Variants in EXOC6B observed in about 807,000 individuals in gnomAD.
The protein encoded by EXOC6B is SEC15 homolog B.
A neutral mutation model predicts 113.5 loss-of-function variants in EXOC6B; 54 were observed. The observed-to-expected ratio is 0.48, with a 90% CI of 0.38 to 0.60. The LOEUF (loss-of-function observed/expected upper bound fraction) is 0.60. EXOC6B is among the 20% of genes least tolerant of loss of function. The probability of loss-of-function intolerance (pLI) is 0.00; values close to 1 mark genes in which losing one functional copy is unlikely to be tolerated. For missense variants in EXOC6B, 797 were observed against 977.5 expected (o/e 0.82, Z 2.46); for synonymous variants, 357 against 339.0 (o/e 1.05, Z -0.58).
chr2:72,406,907 A>T (rs527563696), intron 18 of EXOC6B, among the ~76,000 whole-genome samples: 1 of 152,350 alleles, frequency 6.6e-6, no homozygotes, highest in East Asian at 1.9e-4. Flanking sequence ...AAAATCAATG[A>T]ATCCAGGAGC....
chr2:72,774,839 A>C (rs562572620), intron 1 of EXOC6B, among the ~76,000 whole-genome samples: 23 of 152,294 alleles, frequency 1.5e-4, no homozygotes, highest in African/African-American at 5.5e-4. Flanking sequence ...TCACAAACTA[A>C]GTGCCCAGAT....
intron 17 of EXOC6B, among the ~76,000 whole-genome samples, chr2:72,477,872 TA>T (rs1051785496): frequency 3.4e-4 from 51 of 152,188 alleles, no homozygotes; most frequent in African/African-American, 1.1e-3. Context: ...TTTGGTCATT[TA>T]TTTTTTTTTC....
At chr2:72,221,122 C>T (rs1189540451) in intron 20 of EXOC6B, among the ~76,000 whole-genome samples, 2 of 152,164 alleles carry the variant, frequency 1.3e-5, no homozygotes, top group Non-Finnish European at 2.9e-5. Context: ...TTCTCTTCAT[C>T]CTTCTCCCAC....
intron 6 of EXOC6B, among the ~76,000 whole-genome samples, chr2:72,597,856 A>C (rs536808474): frequency 6.6e-6 from 1 of 152,128 alleles, no homozygotes; most frequent in Admixed American, 6.6e-5. Flanking sequence ...GAGGTATTAC[A>C]TAATGATAAA....
intron 6 of EXOC6B, among the ~76,000 whole-genome samples, chr2:72,595,815 A>C (rs1261852308): frequency 1.3e-5 from 2 of 152,196 alleles, no homozygotes; most frequent in Non-Finnish European, 2.9e-5. Context: ...TCAGATTAAG[A>C]GAAAAGAACA....
intron 1 of EXOC6B, among the ~76,000 whole-genome samples, chr2:72,773,741 T>A (rs541852312): frequency 6.6e-6 from 1 of 152,334 alleles, no homozygotes; most frequent in Admixed American, 6.5e-5. Flanking sequence ...GAAAGTCTCT[T>A]TAATGTCGTC....
chr2:72,395,422 T>G (rs930279006), intron 18 of EXOC6B, among the ~76,000 whole-genome samples: 1 of 152,180 alleles, frequency 6.6e-6, no homozygotes, highest in Non-Finnish European at 1.5e-5. Context: ...GTTTCTTTTT[T>G]GCTTTTTTGA....
intron 6 of EXOC6B, among the ~76,000 whole-genome samples, chr2:72,699,333 G>T (rs867501846): frequency 3.9e-5 from 6 of 152,228 alleles, no homozygotes; most frequent in South Asian, 2.1e-4. Flanking sequence ...CGAAAAATTA[G>T]CTGGGCATGG....
chr2:72,450,068 C>T (rs944727102), intron 18 of EXOC6B, among the ~76,000 whole-genome samples: 3 of 152,108 alleles, frequency 2.0e-5, no homozygotes, highest in African/African-American at 7.2e-5. Context: ...TTATGGCCAC[C>T]AGGTGTACAT....
At chr2:72,490,728 C>G (rs1264224240) in intron 16 of EXOC6B, among the ~76,000 whole-genome samples, 1 of 152,118 alleles carries the variant, frequency 6.6e-6, no homozygotes, top group East Asian at 1.9e-4. Flanking sequence ...ACGGTTCTTC[C>G]TTGATAACTT....
intron 20 of EXOC6B, among the ~76,000 whole-genome samples, chr2:72,231,545 A>T (rs73942574): frequency 0.01 from 1,547 of 152,282 alleles, 28 homozygotes; most frequent in African/African-American, 0.034. Context: ...TATATAAAAA[A>T]TGGGCAAATA....
At chr2:72,555,845 C>A (rs905087153) in intron 8 of EXOC6B, among the ~76,000 whole-genome samples, 8 of 152,090 alleles carry the variant, frequency 5.3e-5, no homozygotes, top group Non-Finnish European at 1.2e-4. Flanking sequence ...CAGAGTTTCA[C>A]CATGTTGCCA....
chr2:72,312,800 C>G (rs1292644552), intron 20 of EXOC6B, among the ~76,000 whole-genome samples: 2 of 113,456 alleles, frequency 1.8e-5, no homozygotes, highest in Middle Eastern at 9.1e-3. Flanking sequence ...AAACGACAAC[C>G]AAAAAAAAAA....
intron 20 of EXOC6B, among the ~76,000 whole-genome samples, chr2:72,326,308 A>G (rs1232148123): frequency 6.6e-6 from 1 of 152,086 alleles, no homozygotes; most frequent in African/African-American, 2.4e-5. Context: ...GTGGATATGC[A>G]TATTCATGCT....
At chr2:72,727,806 A>G (rs940423621) in intron 5 of EXOC6B, among the ~76,000 whole-genome samples, 4 of 152,160 alleles carry the variant, frequency 2.6e-5, no homozygotes, top group Non-Finnish European at 4.4e-5. Flanking sequence ...ACTTCTACGC[A>G]ACAAAAACTA....
intron 6 of EXOC6B, among the ~76,000 whole-genome samples, chr2:72,633,741 G>A (rs972597138): frequency 1.3e-5 from 2 of 152,170 alleles, no homozygotes; most frequent in Non-Finnish European, 2.9e-5. Context: ...TCAAACTGCT[G>A]AAGTGTCTAA....
intron 11 of EXOC6B, among the ~76,000 whole-genome samples, chr2:72,504,575 A>G (rs1178640181): frequency 6.6e-6 from 1 of 152,126 alleles, no homozygotes; most frequent in African/African-American, 2.4e-5. Context: ...GTCATTTCTC[A>G]TTTTAAAATC....
intron 8 of EXOC6B, among the ~76,000 whole-genome samples, chr2:72,545,337 AT>A (rs1558781591): frequency 6.6e-6 from 1 of 152,106 alleles, no homozygotes; most frequent in Non-Finnish European, 1.5e-5. Flanking sequence ...GTTTGACTAC[AT>A]TTTTTGAAGT....
At chr2:72,514,966 C>G in intron 9 of EXOC6B, 77 bp downstream of exon 9, 13 of 1,272,810 alleles carry the variant, frequency 1.0e-5, no homozygotes, top group South Asian at 3.9e-5. Flanking sequence ...CACACACACA[C>G]ACACACACAC....
Sources: allele counts gnomAD v4.1 joint callset (sites outside exome capture counted in the v4.1 genomes callset), GRCh38; gene constraint gnomAD v4.1.1; transcripts MANE v1.5; gene names NCBI Gene and HGNC (gene_info 2026-07-23, HGNC 2026-07-21).